The following STK32B variants were observed in gnomAD, a reference collection of about 807,000 sequenced individuals.
STK32B encodes the protein serine/threonine-protein kinase 32B.
Under a neutral mutation model 52.6 loss-of-function variants are expected in STK32B, and 43 were observed. That is an observed-to-expected ratio of 0.82 (90% CI 0.64 to 1.05). The LOEUF (loss-of-function observed/expected upper bound fraction) is 1.05. Ranked by LOEUF, STK32B falls within the 50% of genes least tolerant of loss-of-function variation. STK32B has a pLI of 0.00. For missense variants in STK32B, 621 were observed against 534.6 expected, an observed-to-expected ratio of 1.16 and a Z score of -1.59; for synonymous variants, 238 against 204.3, an observed-to-expected ratio of 1.17 and a Z score of -1.41.
chr4:5,189,307 G>A (rs1023125102), intron 3 of STK32B, among the ~76,000 whole-genome samples: 2 of 152,194 alleles, frequency 1.3e-5, no homozygotes, highest in African/African-American at 4.8e-5. Flanking sequence ...GTGATCCACT[G>A]ATTCATCCCT....
intron 1 of STK32B, among the ~76,000 whole-genome samples, chr4:5,061,762 C>A (rs995166924): frequency 3.9e-5 from 6 of 152,134 alleles, no homozygotes; most frequent in Non-Finnish European, 8.8e-5. Context: ...CTTACCAAAG[C>A]CTGGGTGTTT....
chr4:5,136,328 G>A (rs1346762172), intron 1 of STK32B, among the ~76,000 whole-genome samples: 3 of 152,230 alleles, frequency 2.0e-5, no homozygotes, highest in Non-Finnish European at 4.4e-5. Flanking sequence ...TGCCTTTGCA[G>A]CAGTGCGTTT....
intron 1 of STK32B, among the ~76,000 whole-genome samples, chr4:5,086,785 T>A (rs62291655): frequency 0.14 from 21,227 of 152,222 alleles, 1,554 homozygotes; most frequent in East Asian, 0.17. Context: ...GGCAGTGAGA[T>A]GACATACTCA....
intron 4 of STK32B, among the ~76,000 whole-genome samples, chr4:5,359,933 C>T (rs924016044): frequency 3.9e-5 from 6 of 152,282 alleles, no homozygotes; most frequent in African/African-American, 1.4e-4. Flanking sequence ...CAGTTTTCAG[C>T]AGTGAAGAAA....
intron 3 of STK32B, among the ~76,000 whole-genome samples, chr4:5,199,812 G>A (rs1210447468): frequency 6.9e-6 from 1 of 145,616 alleles, no homozygotes; most frequent in Non-Finnish European, 1.5e-5. Context: ...CCTGCCCTCT[G>A]CTCGTCTGTG....
At chr4:5,120,073 C>T (rs1049801908) in intron 1 of STK32B, among the ~76,000 whole-genome samples, 3 of 152,162 alleles carry the variant, frequency 2.0e-5, no homozygotes, top group South Asian at 2.1e-4. Flanking sequence ...TTCTAAGTAG[C>T]GTGATGAAAT....
At chr4:5,027,354 G>A in the STK32B span, among the ~76,000 whole-genome samples, 5 of 152,300 alleles carry the variant, frequency 3.3e-5, no homozygotes, top group Middle Eastern at 3.4e-3. Context: ...GAACTTTAAT[G>A]AGAAACAGCA....
intron 3 of STK32B, among the ~76,000 whole-genome samples, chr4:5,313,855 A>T (rs565727663): frequency 9.2e-5 from 14 of 152,348 alleles, no homozygotes; most frequent in African/African-American, 3.4e-4. Context: ...CATAGATAAT[A>T]AACCTAGATA....
intron 4 of STK32B, chr4:5,345,223 C>T (rs868417634): frequency 2.6e-5 from 4 of 151,016 alleles, no homozygotes; most frequent in Admixed American, 2.6e-4. Flanking sequence ...TGGGTTTAAG[C>T]CCAGATATTA....
chr4:5,196,292 C>T (rs1721649207), intron 3 of STK32B, among the ~76,000 whole-genome samples: 1 of 140,412 alleles, frequency 7.1e-6, no homozygotes, highest in East Asian at 2.2e-4. Flanking sequence ...TTCTCTTCTT[C>T]TTTCCTTTTC....
intron 4 of STK32B, among the ~76,000 whole-genome samples, chr4:5,353,321 A>T (rs1047179995): frequency 2.7e-5 from 4 of 147,434 alleles, no homozygotes; most frequent in African/African-American, 1.1e-4. Context: ...CAAGGAAAAC[A>T]ATTCAGGATA....
intron 2 of STK32B, among the ~76,000 whole-genome samples, chr4:5,148,294 T>C (rs1413872467): frequency 6.6e-6 from 1 of 151,828 alleles, no homozygotes; most frequent in East Asian, 1.9e-4. Context: ...CTTATTTTCT[T>C]CATCAGTTTA....
At position 5,483,842 on chromosome 4, in the gene STK32B, T is replaced by C. The variant is rs572656917; in HGVS notation, c.1107-15103T>C. Among the ~76,000 whole-genome samples the C allele has an allele frequency of 1.8e-3, 268 of 152,338 alleles. 4 individuals carry two copies. The highest frequency in any genetic ancestry group is 1.6e-4 in the Non-Finnish European group (11 of 68,026). ...CTTTATTTCTGCCTTCATTTCGTTGTGTACCCAGCAGTCATTCAGGAGCAG... is the reference window on the plus strand; with the variant it reads ...CTTTATTTCTGCCTTCATTTCGTTGCGTACCCAGCAGTCATTCAGGAGCAG... On this transcript the variant is annotated intron_variant, in intron 11 of 11. Coordinates refer to ENST00000282908, the MANE Select transcript of STK32B (RefSeq NM_018401.3).
At chr4:5,446,855 C>T (rs542789767) in intron 7 of STK32B, 79 bp downstream of exon 7, 72 of 1,442,052 alleles carry the variant, frequency 5.0e-5, no homozygotes, top group East Asian at 2.6e-4. Flanking sequence ...GCAGAGTCGG[C>T]AGGGCCCGCG....
At chr4:5,194,478 T>C (rs1159602021) in intron 3 of STK32B, among the ~76,000 whole-genome samples, 1 of 152,188 alleles carries the variant, frequency 6.6e-6, no homozygotes, top group East Asian at 1.9e-4. Flanking sequence ...GACAGTGCCC[T>C]TTGCATGGGT....
At chr4:5,433,875 A>C (rs1479062931) in intron 6 of STK32B, among the ~76,000 whole-genome samples, 2 of 152,110 alleles carry the variant, frequency 1.3e-5, no homozygotes, top group Non-Finnish European at 1.5e-5. Context: ...GAGGGGGCAA[A>C]TCCCACCACA....
At chr4:5,141,132 C>G (rs1431500497) in intron 2 of STK32B, among the ~76,000 whole-genome samples, 2 of 152,098 alleles carry the variant, frequency 1.3e-5, no homozygotes, top group African/African-American at 4.8e-5. Context: ...AATTCAGTTC[C>G]ACAGCACACT....
rs181486513 is a variant in STK32B, at chr4:5,372,727, G to C, written c.435-25480G>C. 9.9e-4 allele frequency among the ~76,000 whole-genome samples: 149 copies of C among 150,158 alleles called. 3 individuals carry two copies. The East Asian group carries it at 0.022, about 22-fold the overall frequency. ...GCCTCAGCAGGAGAAAGTTGGGGGG[G>C]GGGGCGGTTATTTCAGACTAATAGG... is the stretch of plus-strand genomic sequence containing the variant. On this transcript the variant is annotated intron_variant, in intron 4 of 11. Coordinates refer to ENST00000282908, the MANE Select transcript of STK32B (RefSeq NM_018401.3).
intron 2 of STK32B, among the ~76,000 whole-genome samples, chr4:5,154,556 C>A (rs928135283): frequency 6.6e-6 from 1 of 152,164 alleles, no homozygotes; most frequent in African/African-American, 2.4e-5. Flanking sequence ...TAGGATTTTA[C>A]TTGGCTTGGT....
Sources: gnomAD v4.1 joint callset for allele counts (sites outside exome capture counted in the v4.1 genomes callset) on GRCh38, gnomAD v4.1.1 for gene constraint, MANE v1.5 for transcripts, NCBI Gene and HGNC (gene_info 2026-07-23, HGNC 2026-07-21) for gene names.